TEKT5: variants seen among roughly 807,000 people sequenced by gnomAD.
TEKT5 encodes the protein tektin-5.
In TEKT5, 52 loss-of-function variants were observed where a neutral mutation model predicts 48.7. The ratio of observed to expected loss-of-function variants is 1.07; its 90% CI spans 0.86 to 1.35. TEKT5 has a LOEUF of 1.35. TEKT5 is among the 40% of genes most tolerant of loss of function. TEKT5 has a pLI of 0.00. For synonymous variants in TEKT5, 318 were observed against 267.6 expected, an observed-to-expected ratio of 1.19 and a Z score of -1.84; for missense variants, 831 against 641.6, an observed-to-expected ratio of 1.30 and a Z score of -3.19.
chr16:10,658,622 C>A (rs1003761892), intron 5 of TEKT5, among the ~76,000 whole-genome samples: 3 of 151,824 alleles, frequency 2.0e-5, no homozygotes, highest in Non-Finnish European at 4.4e-5. Flanking sequence ...ATGAGGGGGG[C>A]TCCTGGAACT....
chr16:10,688,907 G>C (rs1463823090), intron 3 of TEKT5, among the ~76,000 whole-genome samples: 1 of 152,184 alleles, frequency 6.6e-6, no homozygotes, highest in Non-Finnish European at 1.5e-5. Flanking sequence ...CAGGCTAAGA[G>C]GGGCCTCAGG....
intron 5 of TEKT5, among the ~76,000 whole-genome samples, chr16:10,650,397 G>A (rs1448114256): frequency 6.6e-6 from 1 of 151,772 alleles, no homozygotes; most frequent in Admixed American, 6.6e-5. Context: ...CACTGTGCCC[G>A]GTCCCCCTCC....
chr16:10,658,707 A>C (rs1376039320), intron 5 of TEKT5, among the ~76,000 whole-genome samples: 1 of 132,586 alleles, frequency 7.5e-6, no homozygotes, highest in Non-Finnish European at 1.6e-5. Context: ...GACATTTAGG[A>C]CTAGATATTT....
chr16:10,636,309 A>G (rs1897912816), intron 5 of TEKT5, among the ~76,000 whole-genome samples: 1 of 150,852 alleles, frequency 6.6e-6, no homozygotes, highest in African/African-American at 2.4e-5. Context: ...CGGGAGGCGG[A>G]GGTTGCAGTG....
chr16:10,683,349 G>A (rs1356336056), intron 3 of TEKT5, among the ~76,000 whole-genome samples: 3 of 149,900 alleles, frequency 2.0e-5, no homozygotes, highest in African/African-American at 4.9e-5. Context: ...CGGGGGCTAG[G>A]TGAAGACAGG....
chr16:10,671,100 A>T (rs1048425511), intron 5 of TEKT5, among the ~76,000 whole-genome samples: 2 of 152,176 alleles, frequency 1.3e-5, no homozygotes, highest in African/African-American at 4.8e-5. Context: ...TAATTATATT[A>T]ATACTTACAG....
At chr16:10,669,039 AT>A (rs1261648627) in intron 5 of TEKT5, among the ~76,000 whole-genome samples, 8 of 152,144 alleles carry the variant, frequency 5.3e-5, no homozygotes, top group Admixed American at 2.6e-4. Flanking sequence ...GAAATCTGAA[AT>A]TTTTTTATGT....
intron 5 of TEKT5, among the ~76,000 whole-genome samples, chr16:10,660,965 T>C (rs1898360833): frequency 6.6e-6 from 1 of 152,108 alleles, no homozygotes; most frequent in African/African-American, 2.4e-5. Context: ...CCTCCCAAAG[T>C]GTTGGGATAC....
In TEKT5 at chr16:10,650,069, A is replaced by G. The variant is rs2719753; in HGVS notation, c.1087-14151T>C. Among the ~76,000 whole-genome samples the G allele has an allele frequency of 1.3e-4, 18 of 138,594 alleles. No homozygotes were observed. In the Admixed American group the frequency reaches 1.3e-3, roughly 10 times the overall value. The allele number at this position is 138,594 out of a possible 152,430, so 90.9% of individuals were successfully genotyped here. ...CCCTGCCATTTCTTTTTTTATTTTT[A>G]TTTTTATTATTATTTTTTTTGAGAC... is the stretch of plus-strand genomic sequence containing the variant. On this transcript the variant is annotated intron_variant, in intron 5 of 6. Coordinates refer to ENST00000283025, the MANE Select transcript of TEKT5 (RefSeq NM_144674.2).
intron 5 of TEKT5, 147 bp from the exon 6 acceptor site, chr16:10,636,065 G>T (rs1897909226): frequency 4.7e-6 from 6 of 1,273,026 alleles, no homozygotes; most frequent in Non-Finnish European, 6.4e-6. Flanking sequence ...TTTAGGGCAG[G>T]AAGCTCACCC....
chr16:10,674,631 A>C (rs1199111069), intron 5 of TEKT5, among the ~76,000 whole-genome samples: 1 of 150,894 alleles, frequency 6.6e-6, no homozygotes, highest in African/African-American at 2.4e-5. Context: ...AAAAAAAAAA[A>C]AAAAAAAAAA....
intron 6 of TEKT5, among the ~76,000 whole-genome samples, chr16:10,631,507 G>A (rs1372618886): frequency 6.6e-6 from 1 of 152,092 alleles, no homozygotes; most frequent in Non-Finnish European, 1.5e-5. Flanking sequence ...AGCGGATCGG[G>A]TGGTGTTCCT....
At chr16:10,643,219 A>G (rs1293244607) in intron 5 of TEKT5, among the ~76,000 whole-genome samples, 2 of 151,906 alleles carry the variant, frequency 1.3e-5, no homozygotes, top group Non-Finnish European at 2.9e-5. Flanking sequence ...CATCTCTAAA[A>G]AAAAAAAAAA....
intron 5 of TEKT5, among the ~76,000 whole-genome samples, chr16:10,675,407 A>G (rs1022219182): frequency 6.6e-6 from 1 of 152,194 alleles, no homozygotes; most frequent in Admixed American, 6.5e-5. Context: ...GGTGTGAAAA[A>G]GCATGACGCA....
At chr16:10,687,235 T>A (rs1898877714) in intron 3 of TEKT5, among the ~76,000 whole-genome samples, 1 of 152,190 alleles carries the variant, frequency 6.6e-6, no homozygotes, top group Non-Finnish European at 1.5e-5. Flanking sequence ...AAAAAATAAG[T>A]ATGTGAGGTA....
At chr16:10,672,467 G>C (rs1030318616) in intron 5 of TEKT5, among the ~76,000 whole-genome samples, 1 of 152,050 alleles carries the variant, frequency 6.6e-6, no homozygotes, top group Non-Finnish European at 1.5e-5. Flanking sequence ...ATGGCGGGGG[G>C]TGTCTGTAAT....
intron 4 of TEKT5, among the ~76,000 whole-genome samples, chr16:10,677,605 TC>T (rs1337039841): frequency 2.1e-5 from 3 of 144,660 alleles, no homozygotes; most frequent in African/African-American, 5.6e-5. Flanking sequence ...TAAGACCCTG[TC>T]CCCCCCAACA....
intron 5 of TEKT5, among the ~76,000 whole-genome samples, chr16:10,644,806 C>T (rs1295343443): frequency 6.6e-6 from 1 of 152,186 alleles, no homozygotes; most frequent in South Asian, 2.1e-4. Flanking sequence ...CAACAAAGCA[C>T]TTTCTCGTGT....
At chr16:10,640,099 TC>T (rs1897972174) in intron 5 of TEKT5, among the ~76,000 whole-genome samples, 2 of 137,634 alleles carry the variant, frequency 1.5e-5, no homozygotes, top group South Asian at 2.4e-4. Context: ...TCCTTCCCTC[TC>T]CCCTCCTCCC....
Sources: allele counts gnomAD v4.1 joint callset (sites outside exome capture counted in the v4.1 genomes callset), GRCh38; gene constraint gnomAD v4.1.1; transcripts MANE v1.5; gene names NCBI Gene and HGNC (gene_info 2026-07-23, HGNC 2026-07-21).